BMPR1B: variants seen among roughly 807,000 people sequenced by gnomAD.
BMPR1B encodes the protein bone morphogenetic protein receptor type 1B, also known as bone morphogenetic protein receptor type-1B.
Under a neutral mutation model 59.1 loss-of-function variants are expected in BMPR1B, and 12 were observed. The observed-to-expected ratio is 0.20, with a 90% CI of 0.13 to 0.33. The LOEUF (loss-of-function observed/expected upper bound fraction) is 0.33. BMPR1B is among the 10% of genes least tolerant of loss of function. The probability of loss-of-function intolerance (pLI) is 1.00; values close to 1 mark genes in which losing one functional copy is unlikely to be tolerated. For synonymous variants in BMPR1B, 237 were observed against 207.3 expected (o/e 1.14, Z -1.23); for missense variants, 550 against 610.9 (o/e 0.90, Z 1.05).
At chr4:94,993,319 T>C (rs979203568) in intron 2 of BMPR1B, among the ~76,000 whole-genome samples, 1 of 152,130 alleles carries the variant, frequency 6.6e-6, no homozygotes, top group Admixed American at 6.5e-5. Flanking sequence ...TGGCTAAGAA[T>C]AGTCCTTTAT....
intron 2 of BMPR1B, among the ~76,000 whole-genome samples, chr4:94,965,250 G>A (rs569953430): frequency 3.9e-4 from 60 of 152,172 alleles, no homozygotes; most frequent in African/African-American, 1.3e-3. Flanking sequence ...TTGGAACACT[G>A]TACATAGTAT....
rs1726977808 is a variant in BMPR1B at position 95,056,986 on chromosome 4, G to C, written c.-17-47422G>C. The stretch of plus-strand genomic sequence containing the variant: ...CCCCTTTGATATAATCCCTCATTGT[G>C]TTTTATTTTTCCTTTATGGTACATA... On this transcript the variant is annotated intron_variant, in intron 3 of 12. Coordinates refer to ENST00000515059, the MANE Select transcript of BMPR1B (RefSeq NM_001203.3). Among the ~76,000 whole-genome samples the C allele has an allele frequency of 2.0e-5, 3 of 152,174 alleles. No homozygotes were observed. In the South Asian group the frequency reaches 6.2e-4, roughly 32 times the overall value.
intron 3 of BMPR1B, among the ~76,000 whole-genome samples, chr4:95,093,060 A>G (rs1026305794): frequency 6.6e-6 from 1 of 152,168 alleles, no homozygotes; most frequent in South Asian, 2.1e-4. Flanking sequence ...AGCTGAATTG[A>G]CACATTAAAT....
intron 2 of BMPR1B, among the ~76,000 whole-genome samples, chr4:94,988,048 TAGTG>T (rs762737682): frequency 2.6e-5 from 4 of 152,148 alleles, no homozygotes; most frequent in Non-Finnish European, 5.9e-5. Flanking sequence ...ATTTTTGATT[TAGTG>T]AGGATTAATT....
rs560746449 is a variant in BMPR1B, at chr4:94,941,214, G to T, written c.-112-54826G>T. On this transcript the variant is annotated intron_variant, in intron 2 of 12. Coordinates refer to ENST00000515059, the MANE Select transcript of BMPR1B (RefSeq NM_001203.3). ...GGAGGCCAAGGCAGGCAGATCACTT[G>T]AGTTCAGGAGTTTGAGACCAGCCTG... Among the ~76,000 whole-genome samples, 12 of 152,246 alleles carry T rather than the reference G, an allele frequency of 7.9e-5. No individual in the cohort carries two copies. The South Asian group carries it at 8.3e-4, about 11-fold the overall frequency.
At position 95,073,667 on chromosome 4, in the gene BMPR1B, G is replaced by T. The variant is rs557590059; in HGVS notation, c.-17-30741G>T. On this transcript the variant is annotated intron_variant, in intron 3 of 12. Coordinates refer to ENST00000515059, the MANE Select transcript of BMPR1B (RefSeq NM_001203.3). The stretch of plus-strand genomic sequence containing the variant: ...GGAAAAAAAAATATTTTCACACTGA[G>T]AATTTAAGTGTTATAATGATTTGAG... 6.3e-4 allele frequency among the ~76,000 whole-genome samples: 96 copies of T among 152,228 alleles called. 1 individual carries two copies. The highest frequency in any genetic ancestry group is 2.3e-3 in the African/African-American group (95 of 41,560).
intron 2 of BMPR1B, among the ~76,000 whole-genome samples, chr4:94,921,114 G>A (rs982679962): frequency 9.9e-5 from 15 of 151,994 alleles, no homozygotes; most frequent in African/African-American, 3.4e-4. Context: ...CCCTCACTAG[G>A]CCTTGACATT....
intron 3 of BMPR1B, among the ~76,000 whole-genome samples, chr4:95,026,931 T>A (rs186699754): frequency 0.012 from 1,816 of 150,978 alleles, 29 homozygotes; most frequent in African/African-American, 0.035. Context: ...GCTAATTTTT[T>A]AAAAAAAAAC....
intron 2 of BMPR1B, among the ~76,000 whole-genome samples, chr4:94,976,069 A>T (rs567564116): frequency 1.3e-5 from 2 of 152,174 alleles, no homozygotes; most frequent in Non-Finnish European, 2.9e-5. Context: ...CAGCGACTAG[A>T]GTTGGAATAG....
chr4:95,071,689 A>G (rs557451059), intron 3 of BMPR1B, among the ~76,000 whole-genome samples: 2 of 118,930 alleles, frequency 1.7e-5, no homozygotes, highest in African/African-American at 7.0e-5. Context: ...TATGAACTCT[A>G]TATTGCTGAC....
chr4:94,993,414 C>T (rs1721868262), intron 2 of BMPR1B, among the ~76,000 whole-genome samples: 2 of 152,060 alleles, frequency 1.3e-5, no homozygotes, highest in African/African-American at 4.8e-5. Flanking sequence ...ATCCTGGAGT[C>T]ATAGAAAATT....
At position 94,837,571 on chromosome 4, in the gene BMPR1B, G is replaced by T. The variant is rs1171093813; in HGVS notation, c.-182-38260G>T. Among the ~76,000 whole-genome samples the T allele has an allele frequency of 3.5e-4, 51 of 143,920 alleles. 3 individuals are homozygous for T. Among genetic ancestry groups the T allele is most frequent in the Non-Finnish European group, 5.8e-4 (38 of 65,130 alleles). The allele number at this position is 143,920 out of a possible 152,430, so 94.4% of individuals were successfully genotyped here. A position where few individuals can be genotyped will look rare whatever the true frequency, so the allele number is the denominator to read the frequency against. ...TTGGCTCTCTGTTTGTCTGTTGTTGGTGTATAAGAATGCTTGTGATTTTTG... is the reference window on the plus strand; with the variant it reads ...TTGGCTCTCTGTTTGTCTGTTGTTGTTGTATAAGAATGCTTGTGATTTTTG... On this transcript the variant is annotated intron_variant, in intron 1 of 12. Coordinates refer to ENST00000515059, the MANE Select transcript of BMPR1B (RefSeq NM_001203.3).
intron 1 of BMPR1B, among the ~76,000 whole-genome samples, chr4:94,867,961 T>G (rs1726311880): frequency 6.6e-6 from 1 of 151,190 alleles, no homozygotes. Context: ...TTCTCCTGCC[T>G]CAGCCTCCCA....
chr4:94,841,875 G>A (rs1375604910), intron 1 of BMPR1B, among the ~76,000 whole-genome samples: 1 of 152,146 alleles, frequency 6.6e-6, no homozygotes, highest in African/African-American at 2.4e-5. Flanking sequence ...ATATTTCTTT[G>A]TGTACATTCT....
chr4:94,778,773 T>C (rs1722479688), intron 1 of BMPR1B, among the ~76,000 whole-genome samples: 1 of 152,212 alleles, frequency 6.6e-6, no homozygotes, highest in South Asian at 2.1e-4. Flanking sequence ...TTGTTAATGA[T>C]GATGAGCCAT....
At chr4:95,106,794 G>C (rs555358303) in intron 4 of BMPR1B, among the ~76,000 whole-genome samples, 1 of 151,984 alleles carries the variant, frequency 6.6e-6, no homozygotes, top group African/African-American at 2.4e-5. Context: ...AACCACAGTG[G>C]CTTATAATTA....
chr4:94,987,048 ATAT>A lies in BMPR1B; in HGVS notation c.-112-8991_-112-8989del, dbSNP rs747973235. ...AGAGCCAGACTCTGTCTCAAAAAAA[ATAT>A]ATATATATATAATATATAATATTTA... On this transcript the variant is annotated intron_variant, in intron 2 of 12. Coordinates refer to ENST00000515059, the MANE Select transcript of BMPR1B (RefSeq NM_001203.3). 1.2e-4 allele frequency among the ~76,000 whole-genome samples: 17 copies of A among 143,434 alleles called. 1 individual carries two copies. The highest frequency in any genetic ancestry group is 7.8e-4 in the Admixed American group (11 of 14,122). 94.1% of individuals were successfully genotyped at this position (143,434 alleles called of 152,430 possible).
At chr4:94,895,449 TA>T (rs1221712843) in intron 2 of BMPR1B, among the ~76,000 whole-genome samples, 1 of 151,970 alleles carries the variant, frequency 6.6e-6, no homozygotes, top group Non-Finnish European at 1.5e-5. Context: ...TCTAGTATTC[TA>T]AAAACCAATT....
chr4:95,081,301 T>C (rs1729120825), intron 3 of BMPR1B, among the ~76,000 whole-genome samples: 1 of 151,960 alleles, frequency 6.6e-6, no homozygotes, highest in Non-Finnish European at 1.5e-5. Context: ...GAGAACGGAC[T>C]ACTACAGGTG....
Sources: gnomAD v4.1 joint callset for allele counts (sites outside exome capture counted in the v4.1 genomes callset) on GRCh38, gnomAD v4.1.1 for gene constraint, MANE v1.5 for transcripts, NCBI Gene and HGNC (gene_info 2026-07-23, HGNC 2026-07-21) for gene names.